The following MTHFS variants were observed in gnomAD, a reference collection of about 807,000 sequenced individuals.
MTHFS encodes 5-formyltetrahydrofolate cyclo-ligase.
In MTHFS, 7 loss-of-function variants were observed where a neutral mutation model predicts 12.7. That is an observed-to-expected ratio of 0.55 (90% CI 0.31 to 1.03). The LOEUF is 1.03. MTHFS is among the 50% of genes least tolerant of loss of function. The probability of loss-of-function intolerance (pLI) is 0.05; values close to 1 mark genes in which losing one functional copy is unlikely to be tolerated. For synonymous variants in MTHFS, 100 were observed against 97.1 expected (o/e 1.03, Z -0.18); for missense variants, 252 against 258.1 (o/e 0.98, Z 0.16).
chr15:79,861,557 A>G (rs1468023150), intron 2 of MTHFS, among the ~76,000 whole-genome samples: 2 of 152,216 alleles, frequency 1.3e-5, no homozygotes, highest in Non-Finnish European at 2.9e-5. Flanking sequence ...ACCTATAAAA[A>G]TTTAGAATTC....
chr15:79,874,074 T>C (rs1277207227), intron 2 of MTHFS, among the ~76,000 whole-genome samples: 1 of 152,188 alleles, frequency 6.6e-6, no homozygotes, highest in African/African-American at 2.4e-5. Flanking sequence ...GATCAATCAG[T>C]GGAGCTTCAT....
intron 2 of MTHFS, among the ~76,000 whole-genome samples, chr15:79,863,491 T>C (rs1399215985): frequency 1.3e-5 from 2 of 152,230 alleles, no homozygotes; most frequent in African/African-American, 4.8e-5. Context: ...CAACCTGCCT[T>C]GAGCTGAATG....
At chr15:79,857,367 C>T (rs2033829309) in intron 2 of MTHFS, among the ~76,000 whole-genome samples, 1 of 152,132 alleles carries the variant, frequency 6.6e-6, no homozygotes, top group Admixed American at 6.5e-5. Flanking sequence ...ATGGAAACTT[C>T]TTCCTGTCTT....
intron 1 of MTHFS, among the ~76,000 whole-genome samples, chr15:79,892,118 A>G (rs892621311): frequency 1.3e-5 from 2 of 152,174 alleles, no homozygotes; most frequent in Non-Finnish European, 2.9e-5. Flanking sequence ...TTCCTAATGT[A>G]TATTTAAAAG....
chr15:79,879,493 AAT>A (rs201533663), intron 2 of MTHFS, among the ~76,000 whole-genome samples: 16,314 of 151,732 alleles, frequency 0.11, 1,085 homozygotes, highest in South Asian at 0.2. Flanking sequence ...ATGCCCAGCT[AAT>A]TTTTTTCCTT....
intron 2 of MTHFS, among the ~76,000 whole-genome samples, chr15:79,874,754 CTG>C (rs2034160784): frequency 6.6e-6 from 1 of 152,104 alleles, no homozygotes; most frequent in South Asian, 2.1e-4. Context: ...TATCTCAGGG[CTG>C]TTCCTTGCTG....
At chr15:79,887,161 G>T (rs1240627758) in intron 2 of MTHFS, among the ~76,000 whole-genome samples, 1 of 152,140 alleles carries the variant, frequency 6.6e-6, no homozygotes, top group Admixed American at 6.5e-5. Context: ...GGCGGTGGAA[G>T]TTGCAGTGAG....
chr15:79,879,141 T>C (rs1444792301), intron 2 of MTHFS, among the ~76,000 whole-genome samples: 2 of 152,116 alleles, frequency 1.3e-5, no homozygotes, highest in Non-Finnish European at 2.9e-5. Context: ...TATCATGCTT[T>C]TCATTTGTAT....
intron 1 of MTHFS, among the ~76,000 whole-genome samples, chr15:79,895,619 G>A (rs756028914): frequency 3.7e-4 from 57 of 152,190 alleles, no homozygotes; most frequent in African/African-American, 8.2e-4. Context: ...AAAACACCCA[G>A]CAATGCTTCC....
intron 2 of MTHFS, among the ~76,000 whole-genome samples, chr15:79,870,595 A>G (rs2034084270): frequency 1.3e-5 from 2 of 152,220 alleles, no homozygotes; most frequent in Non-Finnish European, 2.9e-5. Flanking sequence ...AACTACTTAA[A>G]GGAATATTCC....
chr15:79,860,297 G>C (rs1292260643), intron 2 of MTHFS, among the ~76,000 whole-genome samples: 3 of 151,574 alleles, frequency 2.0e-5, no homozygotes, highest in African/African-American at 7.3e-5. Flanking sequence ...GCTGAGGCAG[G>C]AGAATGGCGT....
intron 2 of MTHFS, among the ~76,000 whole-genome samples, chr15:79,858,469 C>G (rs1051009782): frequency 6.6e-6 from 1 of 152,174 alleles, no homozygotes; most frequent in African/African-American, 2.4e-5. Context: ...TTTAGCCCTC[C>G]TCTGTTTGTG....
chr15:79,889,219 AC>A lies in MTHFS; in HGVS notation c.252del (p.Phe85SerfsTer9). 1.2e-6 allele frequency: 2 copies of A among 1,614,178 alleles called. No individual in the cohort carries two copies. The highest frequency in any genetic ancestry group is 1.7e-6 in the Non-Finnish European group (2 of 1,180,022). Reference protein sequence around the residue: ...RGKICFIPRYRFQSNHMDMVR... With the variant: ...RGKICFIPRYXFQSNHMDMVR... ...ACCATATCCATGTGATTGCTCTGGA[AC>A]CGGTACCGAGGGATGAAGCAGATTT... On this transcript the variant is annotated frameshift_variant, in exon 2 of 3. Transcript: ENST00000258874. LOFTEE classifies it high-confidence loss of function.
At chr15:79,865,380 G>A (rs139396628) in intron 2 of MTHFS, among the ~76,000 whole-genome samples, 9 of 152,264 alleles carry the variant, frequency 5.9e-5, no homozygotes, top group East Asian at 3.9e-4. Flanking sequence ...TATCTAAGTC[G>A]GAAACTTCGA....
chr15:79,847,086 G>A (rs138771204), intron 2 of MTHFS, among the ~76,000 whole-genome samples: 2 of 152,226 alleles, frequency 1.3e-5, no homozygotes, highest in East Asian at 1.9e-4. Context: ...AGCAGGGGGA[G>A]AGCAAACGCT....
intron 2 of MTHFS, among the ~76,000 whole-genome samples, chr15:79,867,769 C>T (rs1266462345): frequency 6.6e-6 from 1 of 152,114 alleles, no homozygotes; most frequent in Non-Finnish European, 1.5e-5. Context: ...CTAAAAATGA[C>T]AATTTTCTAA....
intron 2 of MTHFS, among the ~76,000 whole-genome samples, chr15:79,879,897 G>A (rs978715249): frequency 3.9e-5 from 6 of 151,958 alleles, no homozygotes; most frequent in Admixed American, 6.6e-5. Flanking sequence ...AGTGATTCTG[G>A]TTCCCTGTGT....
chr15:79,865,274 T>C (rs1254110454), intron 2 of MTHFS, among the ~76,000 whole-genome samples: 1 of 152,204 alleles, frequency 6.6e-6, no homozygotes. Context: ...TTAGCACAAA[T>C]ATTTGACTTT....
At chr15:79,867,386 A>AG (rs946819752) in intron 2 of MTHFS, among the ~76,000 whole-genome samples, 9 of 151,186 alleles carry the variant, frequency 6.0e-5, no homozygotes, top group South Asian at 2.1e-4. Flanking sequence ...AAAAAAAAAA[A>AG]GGGGGGGACA....
Sources: gnomAD v4.1 joint callset for allele counts (sites outside exome capture counted in the v4.1 genomes callset) on GRCh38, gnomAD v4.1.1 for gene constraint, MANE v1.5 for transcripts, NCBI Gene and HGNC (gene_info 2026-07-23, HGNC 2026-07-21) for gene names.